TMEM132B: variants seen among roughly 807,000 people sequenced by gnomAD.
The protein encoded by TMEM132B is transmembrane protein 132B.
Under a neutral mutation model 90.8 loss-of-function variants are expected in TMEM132B, and 18 were observed. That is an observed-to-expected ratio of 0.20 (90% confidence interval 0.14 to 0.29). The LOEUF (loss-of-function observed/expected upper bound fraction) is 0.29, where lower values mean the gene tolerates loss of function less well. Among genes scored for constraint, TMEM132B ranks in the 10% least tolerant of loss-of-function variants. TMEM132B has a pLI of 1.00. For missense variants in TMEM132B, 1,096 were observed against 1,326.8 expected (o/e 0.83, Z 2.70); for synonymous variants, 504 against 523.3 (o/e 0.96, Z 0.50).
rs542470562 is a variant in TMEM132B, at chr12:125,563,690, G to A, written c.1294-20161G>A. Among the ~76,000 whole-genome samples the A allele has an allele frequency of 3.9e-5, 6 of 152,232 alleles. 1 individual carries two copies. Among genetic ancestry groups the A allele is most frequent in the South Asian group, 2.1e-4 (1 of 4,822 alleles). On this transcript the variant is annotated intron_variant, in intron 4 of 8. Coordinates refer to ENST00000682704, the MANE Select transcript of TMEM132B (RefSeq NM_001366854.1). ...CCTTTGAAAAGTGAATAAGAATCCC[G>A]AGAAGAGGTCATCCTGCATTTATGG...
intron 5 of TMEM132B, among the ~76,000 whole-genome samples, chr12:125,600,826 G>A (rs1162462620): frequency 1.3e-5 from 2 of 152,044 alleles, no homozygotes; most frequent in African/African-American, 2.4e-5. Context: ...CCTAGTCTCT[G>A]ACAAAACAGA....
chr12:125,193,651 T>C lies in TMEM132B; in HGVS notation c.67+6785T>C, dbSNP rs375806692. 3.3e-3 allele frequency among the ~76,000 whole-genome samples: 506 copies of C among 152,306 alleles called. 2 individuals carry two copies. The highest frequency in any genetic ancestry group is 0.012 in the African/African-American group (496 of 41,554). ...AGAAGGGGGTTCCAGGCAGAAGGCA[T>C]GTGAATCCTTGCACGGTTCTTTGCA... On this transcript the variant is annotated intron_variant, in intron 1 of 8. Transcript: ENST00000682704.
intron 3 of TMEM132B, among the ~76,000 whole-genome samples, chr12:125,482,489 C>T (rs1330269840): frequency 3.9e-5 from 6 of 152,164 alleles, no homozygotes; most frequent in Admixed American, 3.9e-4. Flanking sequence ...ATGTAGCCAA[C>T]AGACACATGG....
At chr12:125,520,376 G>A (rs1425357011) in intron 4 of TMEM132B, among the ~76,000 whole-genome samples, 2 of 152,216 alleles carry the variant, frequency 1.3e-5, no homozygotes, top group Non-Finnish European at 2.9e-5. Context: ...GTACCAAAGT[G>A]TGGGATCCAT....
chr12:125,352,535 A>T (rs1170889189), intron 2 of TMEM132B, among the ~76,000 whole-genome samples: 1 of 152,250 alleles, frequency 6.6e-6, no homozygotes, highest in Non-Finnish European at 1.5e-5. Flanking sequence ...CATTGGTATG[A>T]TAAGGATAGT....
chr12:125,275,311 T>C (rs983565197), intron 1 of TMEM132B, among the ~76,000 whole-genome samples: 50 of 152,346 alleles, frequency 3.3e-4, no homozygotes, highest in African/African-American at 9.6e-4. Flanking sequence ...TAATTTGAGG[T>C]CATCTTAGGT....
At chr12:125,210,785 G>A (rs1873301586) in intron 1 of TMEM132B, among the ~76,000 whole-genome samples, 1 of 152,164 alleles carries the variant, frequency 6.6e-6, no homozygotes, top group Admixed American at 6.5e-5. Flanking sequence ...GCAACATAGT[G>A]GATCCTGTCT....
chr12:125,512,076 C>T (rs34748961), intron 3 of TMEM132B, among the ~76,000 whole-genome samples: 18,554 of 152,044 alleles, frequency 0.12, 1,670 homozygotes, highest in Admixed American at 0.29. Flanking sequence ...TGAGGAATCA[C>T]TGGTGAGCTG....
chr12:125,239,224 G>T (rs1874009182), intron 1 of TMEM132B, among the ~76,000 whole-genome samples: 1 of 152,010 alleles, frequency 6.6e-6, no homozygotes, highest in Admixed American at 6.6e-5. Context: ...AGATTTTGTG[G>T]TGTGGATGAG....
intron 1 of TMEM132B, among the ~76,000 whole-genome samples, chr12:125,214,008 G>A (rs779824731): frequency 2.0e-5 from 3 of 152,194 alleles, no homozygotes; most frequent in South Asian, 2.1e-4. Flanking sequence ...GTACCCCTTC[G>A]TCAGTGAGCT....
intron 6 of TMEM132B, among the ~76,000 whole-genome samples, chr12:125,647,867 A>G (rs1383572464): frequency 6.6e-6 from 1 of 151,660 alleles, no homozygotes; most frequent in Non-Finnish European, 1.5e-5. Context: ...CTTAGGATAG[A>G]CAGAAAAACA....
At chr12:125,610,399 T>C (rs1288384400) in intron 5 of TMEM132B, among the ~76,000 whole-genome samples, 1 of 152,214 alleles carries the variant, frequency 6.6e-6, no homozygotes, top group Non-Finnish European at 1.5e-5. Context: ...AGATGCCGTT[T>C]ATCAGAATGA....
intron 3 of TMEM132B, among the ~76,000 whole-genome samples, chr12:125,435,670 T>A (rs986924646): frequency 6.6e-6 from 1 of 152,148 alleles, no homozygotes; most frequent in Non-Finnish European, 1.5e-5. Context: ...TACTAACAGA[T>A]GGAAGAAAGT....
intron 3 of TMEM132B, among the ~76,000 whole-genome samples, chr12:125,428,213 C>T (rs137882101): frequency 3.3e-5 from 5 of 151,974 alleles, no homozygotes; most frequent in South Asian, 2.1e-4. Flanking sequence ...AGGCTGGTCT[C>T]GAACTGCTGG....
At chr12:125,627,491 A>T (rs141861722) in intron 5 of TMEM132B, among the ~76,000 whole-genome samples, 145 of 152,164 alleles carry the variant, frequency 9.5e-4, no homozygotes, top group African/African-American at 3.3e-3. Context: ...TTCTGTTAAT[A>T]TAGTCAGAAG....
At chr12:125,236,696 C>T (rs1388838541) in intron 1 of TMEM132B, among the ~76,000 whole-genome samples, 1 of 152,210 alleles carries the variant, frequency 6.6e-6, no homozygotes, top group Admixed American at 6.5e-5. Context: ...AGCCTGGCCC[C>T]ACCTGATGTA....
At chr12:125,373,288 C>T (rs954521213) in intron 2 of TMEM132B, among the ~76,000 whole-genome samples, 2 of 152,152 alleles carry the variant, frequency 1.3e-5, no homozygotes, top group Non-Finnish European at 2.9e-5. Flanking sequence ...TGAATTGTGT[C>T]CCCCAAAGTT....
intron 1 of TMEM132B, among the ~76,000 whole-genome samples, chr12:125,201,864 A>G (rs1873071035): frequency 6.6e-6 from 1 of 152,010 alleles, no homozygotes; most frequent in Non-Finnish European, 1.5e-5. Context: ...GTGAACACCT[A>G]CTATGTGCCC....
intron 3 of TMEM132B, among the ~76,000 whole-genome samples, chr12:125,423,204 A>T (rs929889180): frequency 1.3e-5 from 2 of 152,212 alleles, no homozygotes; most frequent in Non-Finnish European, 2.9e-5. Context: ...GAAGATAAAG[A>T]TATTTAGTTT....
Sources: allele counts gnomAD v4.1 joint callset (sites outside exome capture counted in the v4.1 genomes callset), GRCh38; gene constraint gnomAD v4.1.1; transcripts MANE v1.5; gene names NCBI Gene and HGNC (gene_info 2026-07-23, HGNC 2026-07-21).